CCDC62: variants seen among roughly 807,000 people sequenced by gnomAD.
The protein encoded by CCDC62 is coiled-coil domain containing 62.
In CCDC62, 72 loss-of-function variants were observed where a neutral mutation model predicts 80.8. The observed-to-expected ratio is 0.89, with a 90% confidence interval of 0.74 to 1.08. The LOEUF is 1.08. Ranked by LOEUF, CCDC62 falls within the 50% of genes least tolerant of loss-of-function variation. CCDC62 has a pLI of 0.00. For missense variants in CCDC62, 704 were observed against 809.4 expected, an observed-to-expected ratio of 0.87 and a Z score of 1.58; for synonymous variants, 286 against 296.5, an observed-to-expected ratio of 0.96 and a Z score of 0.36.
intron 11 of CCDC62, among the ~76,000 whole-genome samples, chr12:122,814,661 C>T (rs2032089881): frequency 6.6e-6 from 1 of 151,962 alleles, no homozygotes; most frequent in East Asian, 1.9e-4. Context: ...GCACCTGCCA[C>T]CATGCCTCAC....
rs748101735 is a variant in CCDC62 at position 122,788,976 on chromosome 12, A to G, written c.670+47A>G. ...AAGATACAAATGTATTATCTTGGGA[A>G]TATAGTTTTTCATCTGGGTTCACTT... On this transcript the variant is annotated intron_variant, in intron 5 of 12. Transcript: ENST00000253079. 14 of 1,440,632 alleles carry G rather than the reference A, an allele frequency of 9.7e-6. No homozygotes were observed. In the South Asian group the frequency reaches 1.8e-4, roughly 19 times the overall value. 89.2% of individuals were successfully genotyped at this position (1,440,632 alleles called of 1,614,324 possible).
intron 10 of CCDC62, among the ~76,000 whole-genome samples, chr12:122,812,399 A>T (rs1593825724): frequency 7.0e-6 from 1 of 143,370 alleles, no homozygotes; most frequent in African/African-American, 2.6e-5. Context: ...CTGAGGTTAC[A>T]CTATTGCACT....
intron 9 of CCDC62, among the ~76,000 whole-genome samples, chr12:122,802,573 C>T (rs906089144): frequency 6.6e-6 from 1 of 151,754 alleles, no homozygotes; most frequent in Admixed American, 6.6e-5. Flanking sequence ...ACCACCATGC[C>T]CAGCTAATTT....
chr12:122,823,106 G>A (rs1242888989), intron 11 of CCDC62, among the ~76,000 whole-genome samples: 4 of 152,138 alleles, frequency 2.6e-5, no homozygotes, highest in African/African-American at 7.2e-5. Flanking sequence ...AATTACAGGC[G>A]GGCGCCACGA....
At position 122,781,408 on chromosome 12, in the gene CCDC62, G is replaced by A. The variant is rs1593780392; in HGVS notation, c.396+78G>A. ...AGTTATTGAAAAATTAGATTTGACC[G>A]GGCACGGTGGCTCACTCCTGTAATG... On this transcript the variant is annotated intron_variant, in intron 3 of 12. Transcript: ENST00000253079. 7.3e-6 allele frequency: 10 copies of A among 1,376,824 alleles called. No homozygotes were observed. The East Asian group carries it at 9.4e-5, about 13-fold the overall frequency. 85.3% of individuals were successfully genotyped at this position (1,376,824 alleles called of 1,614,324 possible). A position where few individuals can be genotyped will look rare whatever the true frequency, so the allele number is the denominator to read the frequency against.
At chr12:122,788,711 T>C (rs1328547148) in intron 4 of CCDC62, 47 bp from the exon 5 acceptor site, 2 of 1,193,542 alleles carry the variant, frequency 1.7e-6, no homozygotes, top group South Asian at 1.5e-5. Flanking sequence ...TCTTGGTTAA[T>C]TGGAATTTAA....
chr12:122,795,338 A>G (rs1388289181), intron 6 of CCDC62, among the ~76,000 whole-genome samples: 1 of 152,040 alleles, frequency 6.6e-6, no homozygotes, highest in Non-Finnish European at 1.5e-5. Context: ...GGTGTGAGCC[A>G]CCGCACCCAG....
chr12:122,783,121 A>AT (rs71085850), intron 3 of CCDC62, among the ~76,000 whole-genome samples: 63,733 of 150,316 alleles, frequency 0.42, 14,738 homozygotes, highest in East Asian at 0.53. Context: ...AAAAAGATGG[A>AT]TTTTTTTGGT....
Position 122,797,401 on chromosome 12 carries a change from T to C in CCDC62, c.861+6T>C. ...AACTGCACAATCTGAGACAGGTATG[T>C]CCCCAATCATCCTTCTCTGTCACAT... On this transcript the variant is annotated splice_donor_region_variant and intron_variant, in intron 7 of 12. Coordinates refer to ENST00000253079, the MANE Select transcript of CCDC62 (RefSeq NM_201435.5). 1 of 1,483,846 alleles carries C rather than the reference T, an allele frequency of 6.7e-7. No homozygotes were observed. Among genetic ancestry groups the C allele is most frequent in the African/African-American group, 1.4e-5 (1 of 72,346 alleles). 91.9% of individuals were successfully genotyped at this position (1,483,846 alleles called of 1,614,324 possible).
At position 122,825,874 on chromosome 12, in the gene CCDC62, TCCCAG is replaced by T. The variant is rs1391636725; in HGVS notation, c.*41-546_*41-542del. Among the ~76,000 whole-genome samples the T allele has an allele frequency of 6.9e-4, 104 of 149,666 alleles. 2 individuals are homozygous for T. Among genetic ancestry groups the T allele is most frequent in the Middle Eastern group, 6.8e-3 (2 of 292 alleles). ...CGGGCATGGAGGCGCATGCCTGTAA[TCCCAG>T]CTACTGGGGAGGCTGATGCAGGAGA... On this transcript the variant is annotated intron_variant, in intron 12 of 12. Transcript: ENST00000253079.
At chr12:122,796,036 G>A (rs892385532) in intron 6 of CCDC62, among the ~76,000 whole-genome samples, 1 of 152,152 alleles carries the variant, frequency 6.6e-6, no homozygotes, top group Non-Finnish European at 1.5e-5. Context: ...TGATCTCTCA[G>A]CTAAACCCAG....
In CCDC62 at chr12:122,777,558, G is replaced by A; in HGVS notation, c.104G>A (p.Gly35Glu). 6.2e-7 allele frequency: 1 copy of A among 1,614,138 alleles called. No homozygotes were observed. Among genetic ancestry groups the A allele is most frequent in the Non-Finnish European group, 8.5e-7 (1 of 1,179,998 alleles). The change falls in exon 2 of 13, where the codon GGA becomes GAA. Residue 35 changes from glycine (G) to glutamate (E), a missense_variant. Gly to Glu is a moderately conservative substitution (Grantham distance 98, BLOSUM62 -2). Transcript: ENST00000253079. ...CGGAAGGAGCTGCAGTTGCTCATTG[G>A]AGAATTAAAAGATCGAGATAAAGAG... ...KQRKELQLLI[G>E]ELKDRDKELN...
At chr12:122,805,040 A>C (rs566207307) in intron 9 of CCDC62, among the ~76,000 whole-genome samples, 1 of 151,522 alleles carries the variant, frequency 6.6e-6, no homozygotes, top group African/African-American at 2.4e-5. Flanking sequence ...GCGCGCCACC[A>C]TGCCCGGCTG....
chr12:122,815,366 G>A (rs895304140), intron 11 of CCDC62, among the ~76,000 whole-genome samples: 9 of 150,716 alleles, frequency 6.0e-5, no homozygotes, highest in East Asian at 2.0e-4. Context: ...GGCGTGAGCC[G>A]CTGTGCCTGG....
At chr12:122,800,426 AATT>A (rs2031229741) in intron 8 of CCDC62, among the ~76,000 whole-genome samples, 1 of 150,796 alleles carries the variant, frequency 6.6e-6, no homozygotes, top group Non-Finnish European at 1.5e-5. Flanking sequence ...ATAAAAAAAA[AATT>A]TTTTTTTTTT....
chr12:122,782,223 G>C (rs528113650), intron 3 of CCDC62, among the ~76,000 whole-genome samples: 3 of 151,950 alleles, frequency 2.0e-5, no homozygotes, highest in African/African-American at 7.3e-5. Context: ...GTGTGTGTAC[G>C]AAGGTATCTA....
chr12:122,807,777 A>G (rs1361322323), intron 10 of CCDC62, among the ~76,000 whole-genome samples: 4 of 152,082 alleles, frequency 2.6e-5, no homozygotes, highest in African/African-American at 9.7e-5. Flanking sequence ...GTCCCTCCCT[A>G]TTCCCAGACA....
At chr12:122,783,905 A>G (rs2030040884) in intron 3 of CCDC62, among the ~76,000 whole-genome samples, 2 of 152,200 alleles carry the variant, frequency 1.3e-5, no homozygotes, top group South Asian at 4.1e-4. Flanking sequence ...ATTGTCACCT[A>G]AAGATTACAG....
intron 11 of CCDC62, 56 bp from the exon 12 acceptor site, chr12:122,823,309 TC>T (rs1267771918): frequency 7.7e-7 from 1 of 1,298,942 alleles, no homozygotes; most frequent in Non-Finnish European, 1.1e-6. Flanking sequence ...TGTTTAGTCT[TC>T]TTAAGAATTT....
Sources: gnomAD v4.1 joint callset for allele counts (sites outside exome capture counted in the v4.1 genomes callset) on GRCh38, gnomAD v4.1.1 for gene constraint, MANE v1.5 for transcripts, NCBI Gene and HGNC (gene_info 2026-07-23, HGNC 2026-07-21) for gene names.